Variants in PTPRG observed in about 807,000 individuals in gnomAD.
PTPRG encodes the protein receptor-type tyrosine-protein phosphatase gamma.
In PTPRG, 102 loss-of-function variants were observed where a neutral mutation model predicts 165.3. The ratio of observed to expected loss-of-function variants is 0.62; its 90% confidence interval spans 0.53 to 0.73. The LOEUF is 0.73. Ranked by LOEUF, PTPRG falls within the 30% of genes least tolerant of loss-of-function variation. The probability of loss-of-function intolerance (pLI) is 0.00; values close to 1 mark genes in which losing one functional copy is unlikely to be tolerated. For missense variants in PTPRG, 1,866 were observed against 1,861.4 expected, an observed-to-expected ratio of 1.00 and a Z score of -0.05; for synonymous variants, 675 against 669.5, an observed-to-expected ratio of 1.01 and a Z score of -0.13.
intron 2 of PTPRG, among the ~76,000 whole-genome samples, chr3:61,808,436 C>T (rs2035478918): frequency 6.6e-6 from 1 of 151,974 alleles, no homozygotes; most frequent in Non-Finnish European, 1.5e-5. Context: ...TTTTCATCCA[C>T]CCCAGATAAA....
chr3:61,996,305 ATTAC>A (rs1336969083), intron 3 of PTPRG, among the ~76,000 whole-genome samples: 1 of 152,110 alleles, frequency 6.6e-6, no homozygotes, highest in Non-Finnish European at 1.5e-5. Context: ...GGTACCAATC[ATTAC>A]TTTTATTTTT....
intron 2 of PTPRG, among the ~76,000 whole-genome samples, chr3:61,849,994 T>C (rs553803334): frequency 1.2e-4 from 19 of 152,218 alleles, no homozygotes; most frequent in African/African-American, 4.6e-4. Flanking sequence ...AGTTGAAATG[T>C]TTCATACAAA....
chr3:61,680,501 GAA>G (rs34153657), intron 1 of PTPRG, among the ~76,000 whole-genome samples: 16,277 of 85,232 alleles, frequency 0.19, 1,370 homozygotes, highest in Admixed American at 0.26. Context: ...TCAGCTTTAT[GAA>G]AAAAAAAAAA....
chr3:62,246,149 TG>T (rs1471121486), intron 15 of PTPRG, among the ~76,000 whole-genome samples: 2 of 152,148 alleles, frequency 1.3e-5, no homozygotes, highest in African/African-American at 4.8e-5. Flanking sequence ...CATTCTCCAC[TG>T]AATGAGAAGC....
intron 2 of PTPRG, among the ~76,000 whole-genome samples, chr3:61,978,533 A>G (rs1018230542): frequency 6.6e-6 from 1 of 152,110 alleles, no homozygotes; most frequent in African/African-American, 2.4e-5. Context: ...GGATATTTGC[A>G]TTATTGCCAA....
chr3:61,715,270 G>A (rs1344944001), intron 1 of PTPRG, among the ~76,000 whole-genome samples: 3 of 151,418 alleles, frequency 2.0e-5, no homozygotes, highest in Non-Finnish European at 4.4e-5. Context: ...AGGCTGGAGT[G>A]TAGTGGCATG....
intron 2 of PTPRG, among the ~76,000 whole-genome samples, chr3:61,792,886 G>A (rs1480891784): frequency 6.6e-6 from 1 of 151,876 alleles, no homozygotes; most frequent in South Asian, 2.1e-4. Context: ...GTGCCACCAC[G>A]CCTGGCTAAC....
At chr3:61,683,434 G>GT (rs71720900) in intron 1 of PTPRG, among the ~76,000 whole-genome samples, 57,444 of 152,020 alleles carry the variant, frequency 0.38, 13,225 homozygotes, top group East Asian at 0.6. Context: ...TCAAGGATGT[G>GT]TTTTTTTCCC....
intron 2 of PTPRG, among the ~76,000 whole-genome samples, chr3:61,768,680 C>A (rs2034110859): frequency 6.6e-6 from 1 of 152,160 alleles, no homozygotes; most frequent in Non-Finnish European, 1.5e-5. Context: ...CTTTAATAGT[C>A]CACTCTTAAT....
intron 8 of PTPRG, among the ~76,000 whole-genome samples, chr3:62,171,898 C>T (rs975573021): frequency 4.6e-5 from 7 of 152,134 alleles, no homozygotes; most frequent in Non-Finnish European, 7.4e-5. Context: ...TCCTTCCCTT[C>T]GTCTGCCCTG....
intron 1 of PTPRG, among the ~76,000 whole-genome samples, chr3:61,669,487 C>T (rs1039814241): frequency 6.6e-6 from 1 of 152,200 alleles, no homozygotes; most frequent in African/African-American, 2.4e-5. Flanking sequence ...ATCCCTCTTA[C>T]TCCTTCTTAC....
At chr3:62,070,359 C>G (rs1317666167) in intron 4 of PTPRG, among the ~76,000 whole-genome samples, 1 of 152,170 alleles carries the variant, frequency 6.6e-6, no homozygotes, top group Non-Finnish European at 1.5e-5. Flanking sequence ...CTCCTTGCCA[C>G]TGATTTTGTT....
At chr3:62,036,575 A>G (rs1004910874) in intron 4 of PTPRG, among the ~76,000 whole-genome samples, 1 of 152,200 alleles carries the variant, frequency 6.6e-6, no homozygotes, top group African/African-American at 2.4e-5. Context: ...AGCTTTAGGC[A>G]TGCTTTTGCC....
At chr3:62,020,101 C>T (rs1000130483) in intron 4 of PTPRG, among the ~76,000 whole-genome samples, 8 of 151,962 alleles carry the variant, frequency 5.3e-5, no homozygotes, top group Non-Finnish European at 7.4e-5. Flanking sequence ...GTCATTTTGA[C>T]TCATTTCCTT....
chr3:61,972,787 G>C (rs2040414179), intron 2 of PTPRG, among the ~76,000 whole-genome samples: 1 of 151,434 alleles, frequency 6.6e-6, no homozygotes, highest in Non-Finnish European at 1.5e-5. Flanking sequence ...TGAGTAGCTG[G>C]GACCGCTGGC....
intron 2 of PTPRG, among the ~76,000 whole-genome samples, chr3:61,970,468 G>A (rs1030406923): frequency 6.6e-6 from 1 of 152,156 alleles, no homozygotes; most frequent in African/African-American, 2.4e-5. Flanking sequence ...TAATTTAATA[G>A]CTTCATCTGC....
chr3:61,576,962 G>A (rs1225593913), intron 1 of PTPRG, among the ~76,000 whole-genome samples: 1 of 152,138 alleles, frequency 6.6e-6, no homozygotes, highest in Non-Finnish European at 1.5e-5. Flanking sequence ...TTTATATTCC[G>A]AAGTGACACC....
intron 2 of PTPRG, among the ~76,000 whole-genome samples, chr3:61,774,266 A>G (rs2034302386): frequency 6.6e-6 from 1 of 152,184 alleles, no homozygotes; most frequent in African/African-American, 2.4e-5. Flanking sequence ...CATTCATGCT[A>G]CTCTGGCCAG....
chr3:61,751,749 G>C (rs2033437620), intron 2 of PTPRG, among the ~76,000 whole-genome samples: 1 of 152,148 alleles, frequency 6.6e-6, no homozygotes, highest in African/African-American at 2.4e-5. Context: ...CCAGCACTTT[G>C]GGAGGCCGAG....
Sources: allele counts gnomAD v4.1 joint callset (sites outside exome capture counted in the v4.1 genomes callset), GRCh38; gene constraint gnomAD v4.1.1; transcripts MANE v1.5; gene names NCBI Gene and HGNC (gene_info 2026-07-23, HGNC 2026-07-21).